GABRG1: variants seen among roughly 807,000 people sequenced by gnomAD.
The protein encoded by GABRG1 is gamma-aminobutyric acid type A receptor subunit gamma1.
GABRG1 carries 49 observed loss-of-function variants against 49.8 expected under a neutral mutation model. The ratio of observed to expected loss-of-function variants is 0.98; its 90% CI spans 0.78 to 1.25. The LOEUF (loss-of-function observed/expected upper bound fraction) is 1.25. GABRG1 is among the 50% of genes most tolerant of loss of function. GABRG1 has a pLI of 0.00. For missense variants in GABRG1, 552 were observed against 552.3 expected, an observed-to-expected ratio of 1.00 and a Z score of 0.01; for synonymous variants, 232 against 185.1, an observed-to-expected ratio of 1.25 and a Z score of -2.06.
chr4:46,100,060 A>G lies in GABRG1; in HGVS notation c.105-2711T>C, dbSNP rs542366119. ...CTTATAACCCTATGCAGATTCCTGG[A>G]GAACATATTAGTTAACATATTTTTA... is the stretch of plus-strand genomic sequence containing the variant. On this transcript the variant is annotated intron_variant, in intron 1 of 8. Transcript: ENST00000295452. Among the ~76,000 whole-genome samples the G allele has an allele frequency of 5.3e-5, 8 of 151,916 alleles. No individual in the cohort carries two copies. In the East Asian group the frequency reaches 1.4e-3, roughly 26 times the overall value.
intron 1 of GABRG1, among the ~76,000 whole-genome samples, chr4:46,098,512 T>C (rs1391573012): frequency 6.6e-6 from 1 of 151,806 alleles, no homozygotes; most frequent in Non-Finnish European, 1.5e-5. Flanking sequence ...AGACCTCTTT[T>C]GCTTTGAATC....
chr4:46,073,837 A>G (rs928953299), intron 3 of GABRG1, among the ~76,000 whole-genome samples: 1 of 152,136 alleles, frequency 6.6e-6, no homozygotes, highest in African/African-American at 2.4e-5. Context: ...CTGTACTGAA[A>G]GTTCTATGAA....
intron 2 of GABRG1, among the ~76,000 whole-genome samples, chr4:46,090,933 TACACACACACACACAC>T (rs34374380): frequency 7.2e-5 from 10 of 139,270 alleles, no homozygotes; most frequent in Admixed American, 6.6e-4. Flanking sequence ...TTCCCTGGAA[TACACACACACACACAC>T]ACACATACAC....
intron 3 of GABRG1, among the ~76,000 whole-genome samples, chr4:46,073,897 AT>A (rs2109415461): frequency 6.6e-6 from 1 of 152,214 alleles, no homozygotes; most frequent in East Asian, 1.9e-4. Context: ...GTGTTCACCT[AT>A]TTTTGGATCA....
At chr4:46,112,821 T>C (rs1720761128) in intron 1 of GABRG1, among the ~76,000 whole-genome samples, 1 of 150,952 alleles carries the variant, frequency 6.6e-6, no homozygotes, top group Admixed American at 6.6e-5. Context: ...AAACTAACCA[T>C]TGGGTACTAT....
At chr4:46,057,983 T>A (rs1049679794) in intron 7 of GABRG1, among the ~76,000 whole-genome samples, 1 of 152,092 alleles carries the variant, frequency 6.6e-6, no homozygotes, top group African/African-American at 2.4e-5. Context: ...TTGGTCTTCA[T>A]TAGCAGAAAA....
At position 46,038,179 on chromosome 4, in the gene GABRG1, A is replaced by G. The variant is rs982829075; in HGVS notation, c.*2809T>C. ...GGGAAATTTTTCCCTGTCCCTGCTA[A>G]ATTCTCAAGTATTCTATGTATTTTT... is the stretch of plus-strand genomic sequence containing the variant. On this transcript the variant is annotated 3_prime_UTR_variant, in exon 9 of 9. Coordinates refer to ENST00000295452, the MANE Select transcript of GABRG1 (RefSeq NM_173536.4). 2.6e-5 allele frequency: 4 copies of G among 151,722 alleles called. No individual in the cohort carries two copies. Among genetic ancestry groups the G allele is most frequent in the African/African-American group, 9.7e-5 (4 of 41,408 alleles). The allele number at this position is 151,722 out of a possible 1,614,324, so 9.4% of individuals were successfully genotyped here. A position where few individuals can be genotyped will look rare whatever the true frequency, so the allele number is the denominator to read the frequency against.
rs931189440 is a variant in GABRG1 at position 46,037,991 on chromosome 4, G to T, written c.*2997C>A. On this transcript the variant is annotated 3_prime_UTR_variant, in exon 9 of 9. Transcript: ENST00000295452. Reference sequence around the variant, plus strand: ...AATGCCAGAATATGGAAACACAAGTGAAAAAATCCTTATGATTGCCTTCAT... The same window carrying T: ...AATGCCAGAATATGGAAACACAAGTTAAAAAATCCTTATGATTGCCTTCAT... 19 of 151,588 alleles carry T rather than the reference G, an allele frequency of 1.3e-4. No individual in the cohort carries two copies. Among genetic ancestry groups the T allele is most frequent in the African/African-American group, 4.4e-4 (18 of 41,374 alleles). 9.4% of individuals were successfully genotyped at this position (151,588 alleles called of 1,614,324 possible). A position where few individuals can be genotyped will look rare whatever the true frequency, so the allele number is the denominator to read the frequency against.
intron 2 of GABRG1, among the ~76,000 whole-genome samples, chr4:46,090,949 C>T (rs13103270): frequency 2.3e-4 from 32 of 137,462 alleles, no homozygotes; most frequent in Non-Finnish European, 4.3e-4. Context: ...CACACACACA[C>T]ACACATACAC....
At chr4:46,075,479 A>T (rs1719294293) in intron 3 of GABRG1, among the ~76,000 whole-genome samples, 1 of 152,186 alleles carries the variant, frequency 6.6e-6, no homozygotes, top group East Asian at 1.9e-4. Flanking sequence ...TACAGGCGTG[A>T]GCCACTGTGC....
At chr4:46,117,592 G>A in intron 1 of GABRG1, among the ~76,000 whole-genome samples, 1 of 87,254 alleles carries the variant, frequency 1.1e-5, no homozygotes. Context: ...GTCTCTCTTT[G>A]TCTCTCTCTC....
At position 46,113,530 on chromosome 4, in the gene GABRG1, G is replaced by A. The variant is rs535571316; in HGVS notation, c.104+10280C>T. Among the ~76,000 whole-genome samples the A allele has an allele frequency of 1.5e-4, 22 of 151,024 alleles. 1 individual carries two copies. Among genetic ancestry groups the A allele is most frequent in the Admixed American group, 1.1e-3 (16 of 15,084 alleles). On this transcript the variant is annotated intron_variant, in intron 1 of 8. Coordinates refer to ENST00000295452, the MANE Select transcript of GABRG1 (RefSeq NM_173536.4). Reference sequence around the variant, plus strand: ...GGCGGGGGGGACATGAAGCCTAACCGTATCACCATAGCTCTAATTTAATTA... The same window carrying A: ...GGCGGGGGGGACATGAAGCCTAACCATATCACCATAGCTCTAATTTAATTA...
At chr4:46,068,706 T>A (rs1719006856) in intron 3 of GABRG1, among the ~76,000 whole-genome samples, 1 of 152,048 alleles carries the variant, frequency 6.6e-6, no homozygotes, top group African/African-American at 2.4e-5. Context: ...CTATGCCATG[T>A]TACACGTAAT....
chr4:46,109,111 T>G (rs1720645604), intron 1 of GABRG1, among the ~76,000 whole-genome samples: 1 of 151,006 alleles, frequency 6.6e-6, no homozygotes, highest in South Asian at 2.1e-4. Flanking sequence ...TTTCTTTGTA[T>G]GCCTAGTAGA....
At chr4:46,065,795 T>G (rs1718896150) in intron 3 of GABRG1, among the ~76,000 whole-genome samples, 1 of 152,088 alleles carries the variant, frequency 6.6e-6, no homozygotes, top group African/African-American at 2.4e-5. Context: ...CAATCTCGGC[T>G]CACCGCAAGC....
intron 3 of GABRG1, among the ~76,000 whole-genome samples, chr4:46,072,438 C>G (rs866810560): frequency 6.6e-6 from 1 of 152,040 alleles, no homozygotes; most frequent in African/African-American, 2.4e-5. Flanking sequence ...GGATTGAGAA[C>G]GCTTTTATAA....
chr4:46,043,881 A>C (rs2109392476), intron 8 of GABRG1, among the ~76,000 whole-genome samples: 1 of 152,124 alleles, frequency 6.6e-6, no homozygotes, highest in Non-Finnish European at 1.5e-5. Flanking sequence ...GCACCAAAAT[A>C]TACTAATATC....
chr4:46,095,910 A>G (rs1186695474), intron 2 of GABRG1, among the ~76,000 whole-genome samples: 1 of 151,770 alleles, frequency 6.6e-6, no homozygotes, highest in East Asian at 1.9e-4. Flanking sequence ...TGTAAAGATT[A>G]TTTTCTCACC....
intron 1 of GABRG1, among the ~76,000 whole-genome samples, chr4:46,097,753 A>T (rs1464545614): frequency 6.6e-6 from 1 of 151,694 alleles, no homozygotes; most frequent in East Asian, 2.0e-4. Context: ...ACAGGAAAAG[A>T]TGTAATAATT....
Sources: allele counts gnomAD v4.1 joint callset (sites outside exome capture counted in the v4.1 genomes callset), GRCh38; gene constraint gnomAD v4.1.1; transcripts MANE v1.5; gene names NCBI Gene and HGNC (gene_info 2026-07-23, HGNC 2026-07-21).